SCN8A: variants seen among roughly 807,000 people sequenced by gnomAD.
SCN8A encodes the protein sodium voltage-gated channel alpha subunit 8.
In SCN8A, 30 loss-of-function variants were observed where a neutral mutation model predicts 184.1. That is an observed-to-expected ratio of 0.16 (90% CI 0.12 to 0.22). SCN8A has a LOEUF of 0.22. SCN8A is among the 10% of genes least tolerant of loss of function. The probability of loss-of-function intolerance (pLI) is 1.00; values close to 1 mark genes in which losing one functional copy is unlikely to be tolerated. For synonymous variants in SCN8A, 852 were observed against 907.0 expected, an observed-to-expected ratio of 0.94 and a Z score of 1.09; for missense variants, 1,057 against 2,498.9, an observed-to-expected ratio of 0.42 and a Z score of 12.30.
intron 21 of SCN8A, among the ~76,000 whole-genome samples, chr12:51,782,907 A>G (rs1304677269): frequency 1.3e-5 from 2 of 152,246 alleles, no homozygotes; most frequent in African/African-American, 4.8e-5. Flanking sequence ...TCCCGAATGA[A>G]TAATCAAAAC....
Position 51,780,743 on chromosome 12 carries a change from G to A in SCN8A, c.3914G>A (p.Arg1305Lys), listed in dbSNP as rs61618583. 6.3e-7 allele frequency: 1 copy of A among 1,595,366 alleles called. No individual in the cohort carries two copies. Among genetic ancestry groups the A allele is most frequent in the Non-Finnish European group, 8.5e-7 (1 of 1,174,256 alleles). ...ACCCTAAGAGCTTTGAGACCCTTAA[G>A]AGCCTTATCACGATTTGAAGGGATG... Reference protein sequence around the residue: ...LRTLRALRPLRALSRFEGMRV... With the variant: ...LRTLRALRPLKALSRFEGMRV... The change falls in exon 21 of 27, where the codon AGA (arginine) becomes AAA (lysine). Residue 1305 changes from arginine to lysine, a missense_variant. Coordinates refer to ENST00000627620, the MANE Select transcript of SCN8A (RefSeq NM_001330260.2).
intron 24 of SCN8A, 77 bp from the exon 25 acceptor site, chr12:51,790,321 G>T: frequency 2.0e-6 from 2 of 984,826 alleles, no homozygotes; most frequent in Non-Finnish European, 3.1e-6. Context: ...TCAGTTCTCA[G>T]TATTGAACCT....
chr12:51,804,559 A>G (rs1346111148), intron 26 of SCN8A, among the ~76,000 whole-genome samples: 1 of 150,582 alleles, frequency 6.6e-6, no homozygotes, highest in East Asian at 1.9e-4. Flanking sequence ...GCGTGATCTC[A>G]GCTCACTGCA....
At chr12:51,600,899 C>G (rs575424365) in intron 1 of SCN8A, among the ~76,000 whole-genome samples, 1 of 152,316 alleles carries the variant, frequency 6.6e-6, no homozygotes, top group East Asian at 1.9e-4. Context: ...ACAGTTTGCA[C>G]TCAGACATTT....
chr12:51,776,978 C>T (rs1285690016), intron 20 of SCN8A, among the ~76,000 whole-genome samples: 2 of 152,144 alleles, frequency 1.3e-5, no homozygotes, highest in Admixed American at 6.6e-5. Flanking sequence ...ACAAGGAAAA[C>T]ATTCTGTTTT....
intron 1 of SCN8A, among the ~76,000 whole-genome samples, chr12:51,608,380 T>TA (rs772709662): frequency 7.2e-5 from 11 of 152,152 alleles, no homozygotes; most frequent in Non-Finnish European, 1.6e-4. Flanking sequence ...ACTTTTTTTT[T>TA]ATTGGTAATT....
chr12:51,680,703 A>C (rs1174776634), intron 2 of SCN8A, among the ~76,000 whole-genome samples: 1 of 152,182 alleles, frequency 6.6e-6, no homozygotes, highest in African/African-American at 2.4e-5. Flanking sequence ...TATAGAGTAC[A>C]TTACTTTAAA....
At chr12:51,643,794 TTCTTCCTG>T (rs1196613358) in intron 1 of SCN8A, among the ~76,000 whole-genome samples, 11 of 152,362 alleles carry the variant, frequency 7.2e-5, no homozygotes, top group African/African-American at 2.4e-4. Flanking sequence ...TAATGCAACT[TTCTTCCTG>T]TCCAACACAG....
intron 11 of SCN8A, chr12:51,713,076 A>G (rs10747620): frequency 0.85 from 1,187,808 of 1,398,002 alleles, 513,451 homozygotes; most frequent in East Asian, 0.91. Context: ...CAACTGTATC[A>G]TGATCATCAA....
At chr12:51,750,437 C>A (rs1339372340) in intron 13 of SCN8A, among the ~76,000 whole-genome samples, 1 of 151,806 alleles carries the variant, frequency 6.6e-6, no homozygotes, top group East Asian at 1.9e-4. Flanking sequence ...CAGGAAAGGG[C>A]AAAGGGGCAA....
chr12:51,686,386 T>A lies in SCN8A; in HGVS notation c.414T>A (p.Ile138=). Residue 138 remains isoleucine (I), a synonymous_variant, in exon 4 of 27, where the codon ATT becomes ATA. Coordinates refer to ENST00000627620, the MANE Select transcript of SCN8A (RefSeq NM_001330260.2). ...TCTCTACAGTATTTAGCATGATCAT[T>A]ATGTGCACTATTTTGACCAACTGTG... ...ILIHSVFSMI[I]MCTILTNCVF... 1 of 1,610,728 alleles carries A rather than the reference T, an allele frequency of 6.2e-7. No individual in the cohort carries two copies. The highest frequency in any genetic ancestry group is 8.5e-7 in the Non-Finnish European group (1 of 1,177,186).
chr12:51,593,264 A>T lies in SCN8A; in HGVS notation c.-55+1905A>T, dbSNP rs150530396. Among the ~76,000 whole-genome samples the T allele has an allele frequency of 6.6e-5, 10 of 152,282 alleles. No homozygotes were observed. The East Asian group carries it at 1.7e-3, about 26-fold the overall frequency. On this transcript the variant is annotated intron_variant, in intron 1 of 26. Transcript: ENST00000627620. ...TGAGGTCCTCCCTGGAGAGGGCTGC[A>T]AGCATGTTCCGTGTTCTCTGAACAT...
chr12:51,760,494 G>A (rs1942746504), intron 14 of SCN8A, among the ~76,000 whole-genome samples: 1 of 152,132 alleles, frequency 6.6e-6, no homozygotes, highest in Non-Finnish European at 1.5e-5. Context: ...GATATTCCAT[G>A]GTCAATCAGC....
chr12:51,769,713 G>A (rs1229748113), intron 17 of SCN8A, among the ~76,000 whole-genome samples, 155 bp from the exon 18 acceptor site: 1 of 152,166 alleles, frequency 6.6e-6, no homozygotes, highest in East Asian at 1.9e-4. Context: ...AAGTTTTGGG[G>A]GCCCGTGGAT....
chr12:51,770,809 G>T, intron 19 of SCN8A, 126 bp downstream of exon 19: 5 of 995,144 alleles, frequency 5.0e-6, no homozygotes, highest in Non-Finnish European at 7.5e-6. Context: ...CAAGAAGAAT[G>T]ATCTGTTAAA....
rs1419127818 is a variant in SCN8A at position 51,706,581 on chromosome 12, A to G, written c.1501A>G (p.Lys501Glu). Residue 501 changes from lysine to glutamate, a missense_variant, in exon 11 of 27, where the codon AAG becomes GAG. Lys to Glu is a moderately conservative substitution (Grantham distance 56). Around this residue, in one of 19 missense-constraint regions of SCN8A, gnomAD observed 322 missense variants for 390.1 expected, o/e 0.83. Transcript: ENST00000627620. ...TAACAGGAGAAAGAAGAGGAAGCAA[A>G]AGGAACTCTCTGAAGGAGAGGAGAA... ...RRNRRKKRKQ[K>E]ELSEGEEKGD... 1 of 1,608,910 alleles carries G rather than the reference A, an allele frequency of 6.2e-7. No homozygotes were observed. The highest frequency in any genetic ancestry group is 2.2e-5 in the East Asian group (1 of 44,732).
At chr12:51,786,453 C>T (rs1174691283) in intron 21 of SCN8A, 89 bp from the exon 22 acceptor site, 3 of 1,385,622 alleles carry the variant, frequency 2.2e-6, no homozygotes, top group Non-Finnish European at 3.0e-6. Flanking sequence ...ACAGAACAAG[C>T]CACACAATGT....
In SCN8A at chr12:51,780,565, CTTTTTTTTTTTTTTTTTTTTTTTTTTTT is replaced by C. The variant is rs528514747; in HGVS notation, c.3820-72_3820-45del. The C allele has an allele frequency of 3.4e-5, 10 of 297,802 alleles. 1 individual carries two copies. Among genetic ancestry groups the C allele is most frequent in the African/African-American group, 1.3e-4 (1 of 7,550 alleles). The allele number at this position is 297,802 out of a possible 1,614,324, so 18.4% of individuals were successfully genotyped here. A position where few individuals can be genotyped will look rare whatever the true frequency, so the allele number is the denominator to read the frequency against. Reference sequence around the variant, plus strand: ...ACACTCTGGAACCTCTGTTTTCTTTCTTTTTTTTTTTTTTTTTTTTTTTTTTTTTTTTTTTTTTTGGTTACCTTTTTTG... The same window carrying C: ...ACACTCTGGAACCTCTGTTTTCTTTCTTTTTTTTTTTGGTTACCTTTTTTG... On this transcript the variant is annotated intron_variant, in intron 20 of 26. Transcript: ENST00000627620.
At chr12:51,788,817 G>A in intron 23 of SCN8A, 69 bp downstream of exon 23, 1 of 1,367,556 alleles carries the variant, frequency 7.3e-7, no homozygotes, top group African/African-American at 1.4e-5. Flanking sequence ...GGTATACCGA[G>A]CCCACCAAGA....
Sources: allele counts gnomAD v4.1 joint callset (sites outside exome capture counted in the v4.1 genomes callset), GRCh38; gene constraint gnomAD v4.1.1; regional missense constraint gnomAD v4.1.1; transcripts MANE v1.5; gene names NCBI Gene and HGNC (gene_info 2026-07-23, HGNC 2026-07-21).